Variants in BTRC observed in about 807,000 individuals in gnomAD.
The protein encoded by BTRC is beta-transducin repeat containing E3 ubiquitin protein ligase, also known as F-box/WD repeat-containing protein 1A.
A neutral mutation model predicts 85.5 loss-of-function variants in BTRC; 42 were observed. That is an observed-to-expected ratio of 0.49 (90% CI 0.38 to 0.64). BTRC has a LOEUF of 0.64. Ranked by LOEUF, BTRC falls within the 30% of genes least tolerant of loss-of-function variation. The pLI, the probability that BTRC is intolerant of heterozygous loss-of-function variation, is 0.00. For synonymous variants in BTRC, 255 were observed against 263.3 expected, an observed-to-expected ratio of 0.97 and a Z score of 0.30; for missense variants, 594 against 743.5, an observed-to-expected ratio of 0.80 and a Z score of 2.34.
intron 3 of BTRC, among the ~76,000 whole-genome samples, chr10:101,474,051 G>C (rs1336865551): frequency 6.6e-6 from 1 of 151,860 alleles, no homozygotes; most frequent in East Asian, 1.9e-4. Flanking sequence ...ATCTATTATA[G>C]CTTCTTTAGA....
chr10:101,540,339 A>G (rs570787188), intron 13 of BTRC, among the ~76,000 whole-genome samples: 1 of 152,118 alleles, frequency 6.6e-6, no homozygotes, highest in East Asian at 1.9e-4. Context: ...GCTTTTTTAC[A>G]CATGAATATC....
chr10:101,367,203 T>C (rs1158470511), intron 1 of BTRC, among the ~76,000 whole-genome samples: 17 of 148,012 alleles, frequency 1.1e-4, no homozygotes, highest in African/African-American at 3.7e-4. Context: ...CCCCAGTGGC[T>C]GGGACTACAT....
chr10:101,539,682 G>T lies in BTRC; in HGVS notation c.1656+1311G>T, dbSNP rs79744089. On this transcript the variant is annotated intron_variant, in intron 13 of 14. Transcript: ENST00000370187. ...TGCTTTTTGCTTTTATTTCTCTGAG[G>T]TAAATACCTAGGAGCAGATGACTAG... Among the ~76,000 whole-genome samples, 179 of 152,270 alleles carry T rather than the reference G, an allele frequency of 1.2e-3. 6 individuals carry two copies. In the East Asian group the frequency reaches 0.033, roughly 28 times the overall value.
chr10:101,372,149 T>C (rs1942653586), intron 1 of BTRC, among the ~76,000 whole-genome samples: 1 of 152,144 alleles, frequency 6.6e-6, no homozygotes, highest in Non-Finnish European at 1.5e-5. Flanking sequence ...AATTTCTATA[T>C]TTTTATATAA....
rs1564730160 is a variant in BTRC at position 101,366,900 on chromosome 10, ATATATATTAATATATATTT to A, written c.48+12673_48+12691del. 1.2e-3 allele frequency among the ~76,000 whole-genome samples: 38 copies of A among 31,122 alleles called. 2 individuals are homozygous for A. The highest frequency in any genetic ancestry group is 8.4e-3 in the South Asian group (7 of 836). The allele number at this position is 31,122 out of a possible 152,430, so 20.4% of individuals were successfully genotyped here. A position where few individuals can be genotyped will look rare whatever the true frequency, so the allele number is the denominator to read the frequency against. On this transcript the variant is annotated intron_variant, in intron 1 of 14. Transcript: ENST00000370187. ...TATTTATATATATTTATATATATTT[ATATATATTAATATATATTT>A]ATATATATTTATATATATTTATATA...
At chr10:101,548,569 C>G (rs770745722) in intron 13 of BTRC, among the ~76,000 whole-genome samples, 6 of 151,820 alleles carry the variant, frequency 4.0e-5, no homozygotes, top group Non-Finnish European at 5.9e-5. Flanking sequence ...CTGGGCAACA[C>G]GGTGGAATCC....
intron 1 of BTRC, among the ~76,000 whole-genome samples, chr10:101,422,681 A>G (rs909253821): frequency 6.6e-6 from 1 of 152,180 alleles, no homozygotes; most frequent in Non-Finnish European, 1.5e-5. Context: ...TCAGCTTTCT[A>G]TATATGGCTA....
chr10:101,374,573 A>G (rs1394145320), intron 1 of BTRC, among the ~76,000 whole-genome samples: 1 of 139,342 alleles, frequency 7.2e-6, no homozygotes, highest in Non-Finnish European at 1.5e-5. Flanking sequence ...ATAGGTGGGA[A>G]TTGAACAATG....
chr10:101,363,947 A>ATAAATAC (rs1942289916), intron 1 of BTRC, among the ~76,000 whole-genome samples: 2 of 152,144 alleles, frequency 1.3e-5, no homozygotes, highest in Admixed American at 6.6e-5. Flanking sequence ...CCAGCATCTT[A>ATAAATAC]CAGTGATAGG....
At chr10:101,446,805 T>C (rs1050736135) in intron 2 of BTRC, among the ~76,000 whole-genome samples, 1 of 152,170 alleles carries the variant, frequency 6.6e-6, no homozygotes, top group African/African-American at 2.4e-5. Flanking sequence ...AAATTAACCA[T>C]GACTTTCCTT....
At chr10:101,436,294 T>A (rs1334665933) in intron 2 of BTRC, among the ~76,000 whole-genome samples, 1 of 152,210 alleles carries the variant, frequency 6.6e-6, no homozygotes, top group Non-Finnish European at 1.5e-5. Flanking sequence ...GTAATTAAGA[T>A]TCTTTATTTT....
At chr10:101,429,708 A>G (rs1589456015) in intron 1 of BTRC, among the ~76,000 whole-genome samples, 1 of 133,680 alleles carries the variant, frequency 7.5e-6, no homozygotes, top group East Asian at 2.3e-4. Context: ...CCCCCCACAG[A>G]CCCCAATCCA....
In BTRC at chr10:101,521,732, T is replaced by C; in HGVS notation, c.418T>C (p.Tyr140His). Residue 140 changes from tyrosine to histidine, a missense_variant, in exon 5 of 15, where the codon TAC becomes CAC. This residue lies in a region of BTRC where 163 missense variants were observed against 180.5 expected (regional missense o/e 0.90). Transcript: ENST00000370187. ...AAAGGAAAAGGAACTGTGTGTCAAA[T>C]ACTTTGAGCAGTGGTCAGAGTCAGA... Reference protein sequence around the residue: ...YEKEKELCVKYFEQWSESDQV... With the variant: ...YEKEKELCVKHFEQWSESDQV... 1 of 1,614,212 alleles carries C rather than the reference T, an allele frequency of 6.2e-7. No homozygotes were observed. The highest frequency in any genetic ancestry group is 8.5e-7 in the Non-Finnish European group (1 of 1,180,014).
intron 4 of BTRC, among the ~76,000 whole-genome samples, chr10:101,516,252 T>A (rs879444566): frequency 1.3e-5 from 2 of 152,184 alleles, no homozygotes; most frequent in Non-Finnish European, 2.9e-5. Flanking sequence ...GAGGGTTTTT[T>A]AATTTGTTCC....
At position 101,536,557 on chromosome 10, in the gene BTRC, A is replaced by T; in HGVS notation, c.1481A>T (p.Glu494Val). The change falls in exon 12 of 15, where the codon GAA becomes GTA. Residue 494 changes from glutamate to valine, a missense_variant. By Grantham distance (121) the Glu-to-Val change is moderately radical. Transcript: ENST00000370187. ...TTCTCTTCCAGATTATGGGACATAG[A>T]ATGTGGTGCATGTTTACGAGTGTTA... Reference protein sequence around the residue: ...SDNTIRLWDIECGACLRVLEG... With the variant: ...SDNTIRLWDIVCGACLRVLEG... 1 of 1,612,974 alleles carries T rather than the reference A, an allele frequency of 6.2e-7. No homozygotes were observed. Among genetic ancestry groups the T allele is most frequent in the Non-Finnish European group, 8.5e-7 (1 of 1,179,002 alleles).
chr10:101,446,592 G>A (rs80100147), intron 2 of BTRC, among the ~76,000 whole-genome samples: 1 of 152,156 alleles, frequency 6.6e-6, no homozygotes, highest in Non-Finnish European at 1.5e-5. Context: ...TTGATGCTGT[G>A]TATATTTCAT....
chr10:101,537,491 A>G (rs1276859437), intron 12 of BTRC, among the ~76,000 whole-genome samples: 3 of 152,178 alleles, frequency 2.0e-5, no homozygotes, highest in Non-Finnish European at 2.9e-5. Context: ...TTGCGCCACC[A>G]CACTCCAGCC....
chr10:101,472,058 C>T (rs192944533), intron 3 of BTRC, among the ~76,000 whole-genome samples: 186 of 152,164 alleles, frequency 1.2e-3, no homozygotes, highest in Non-Finnish European at 2.2e-3. Context: ...ATGTATGATT[C>T]CCTTTAGTGC....
chr10:101,456,566 C>CT (rs1156439732), intron 2 of BTRC, among the ~76,000 whole-genome samples: 1 of 152,132 alleles, frequency 6.6e-6, no homozygotes, highest in Non-Finnish European at 1.5e-5. Context: ...CACCTGAATA[C>CT]TTTTTTAATA....
Sources: gnomAD v4.1 joint callset for allele counts (sites outside exome capture counted in the v4.1 genomes callset) on GRCh38, gnomAD v4.1.1 for gene constraint, gnomAD v4.1.1 regional missense constraint, MANE v1.5 for transcripts, NCBI Gene and HGNC (gene_info 2026-07-23, HGNC 2026-07-21) for gene names.